FAR2: variants seen among roughly 807,000 people sequenced by gnomAD.
FAR2 encodes epididymis secretory protein Li 81.
A neutral mutation model predicts 56.0 loss-of-function variants in FAR2; 19 were observed. The ratio of observed to expected loss-of-function variants is 0.34; its 90% CI spans 0.24 to 0.50. The LOEUF (loss-of-function observed/expected upper bound fraction) is 0.50. Ranked by LOEUF, FAR2 falls within the 20% of genes least tolerant of loss-of-function variation. The pLI, the probability that FAR2 is intolerant of heterozygous loss-of-function variation, is 0.98. For missense variants in FAR2, 508 were observed against 642.2 expected, an observed-to-expected ratio of 0.79 and a Z score of 2.26; for synonymous variants, 219 against 218.8, an observed-to-expected ratio of 1.00 and a Z score of -0.01.
intron 10 of FAR2, chr12:29,331,968 C>G (rs1565529292): frequency 6.6e-6 from 1 of 152,072 alleles, no homozygotes; most frequent in East Asian, 1.9e-4. Flanking sequence ...CTCTCTGTAT[C>G]TGTCTTCTAT....
chr12:29,164,910 G>A (rs1949812253), intron 1 of FAR2, among the ~76,000 whole-genome samples: 1 of 152,202 alleles, frequency 6.6e-6, no homozygotes. Flanking sequence ...AAAGCAGTAT[G>A]AGTGGAGTTC....
intron 1 of FAR2, among the ~76,000 whole-genome samples, chr12:29,242,408 G>A (rs1380181655): frequency 1.3e-5 from 2 of 152,096 alleles, no homozygotes; most frequent in East Asian, 1.9e-4. Context: ...TTACATAAAC[G>A]CCCACACTTA....
chr12:29,250,017 A>G (rs1052692662), intron 1 of FAR2, among the ~76,000 whole-genome samples: 4 of 152,208 alleles, frequency 2.6e-5, no homozygotes, highest in African/African-American at 9.7e-5. Context: ...AGTGACTCGA[A>G]TGCTCACTAG....
intron 2 of FAR2, among the ~76,000 whole-genome samples, chr12:29,275,741 A>G (rs968265534): frequency 2.6e-5 from 4 of 152,164 alleles, no homozygotes; most frequent in Admixed American, 6.5e-5. Flanking sequence ...CTAGATAAAT[A>G]TTGTGGCAGA....
chr12:29,328,383 G>A (rs1323819663), intron 10 of FAR2, among the ~76,000 whole-genome samples: 2 of 152,164 alleles, frequency 1.3e-5, no homozygotes, highest in African/African-American at 4.8e-5. Flanking sequence ...AATACCATTT[G>A]ACCCAGCCAT....
At chr12:29,239,060 C>G (rs1353566319) in intron 1 of FAR2, among the ~76,000 whole-genome samples, 1 of 152,132 alleles carries the variant, frequency 6.6e-6, no homozygotes, top group Non-Finnish European at 1.5e-5. Flanking sequence ...TACTTAAAGG[C>G]AGTTAAGGAG....
chr12:29,268,163 C>A (rs1297792241), intron 1 of FAR2, among the ~76,000 whole-genome samples: 1 of 152,178 alleles, frequency 6.6e-6, no homozygotes, highest in Non-Finnish European at 1.5e-5. Context: ...AGTTGGAGAG[C>A]AGGGTGTTGA....
At chr12:29,179,941 C>T (rs1949976974) in intron 1 of FAR2, among the ~76,000 whole-genome samples, 1 of 152,176 alleles carries the variant, frequency 6.6e-6, no homozygotes, top group African/African-American at 2.4e-5. Context: ...ACAAAAAAAC[C>T]TTGCCTTTCA....
chr12:29,278,636 C>T (rs531922720), intron 2 of FAR2, among the ~76,000 whole-genome samples: 3 of 152,214 alleles, frequency 2.0e-5, no homozygotes, highest in Non-Finnish European at 2.9e-5. Flanking sequence ...GCATGAGCCA[C>T]CACACCTGGC....
At chr12:29,182,345 G>T (rs1399724209) in intron 1 of FAR2, among the ~76,000 whole-genome samples, 1 of 152,194 alleles carries the variant, frequency 6.6e-6, no homozygotes, top group African/African-American at 2.4e-5. Context: ...CTGCTGATTG[G>T]TCCATTTTAT....
chr12:29,224,459 T>C (rs1211212026), intron 1 of FAR2, among the ~76,000 whole-genome samples: 4 of 152,358 alleles, frequency 2.6e-5, no homozygotes, highest in South Asian at 4.1e-4. Flanking sequence ...TAATTGCATT[T>C]GATCATTTTA....
chr12:29,256,763 G>T (rs1714350633), intron 1 of FAR2, among the ~76,000 whole-genome samples: 1 of 152,224 alleles, frequency 6.6e-6, no homozygotes. Flanking sequence ...GCCAGCCCCG[G>T]CAATGAAGGG....
At chr12:29,228,813 C>G (rs1200995877) in intron 1 of FAR2, among the ~76,000 whole-genome samples, 1 of 152,190 alleles carries the variant, frequency 6.6e-6, no homozygotes, top group Non-Finnish European at 1.5e-5. Flanking sequence ...GTCTCAAACT[C>G]CTGACCTCAA....
chr12:29,274,865 C>T lies in FAR2; in HGVS notation c.189+4227C>T, dbSNP rs181695621. ...TATCTCCCTTCGCTGACTCTCTTTT[C>T]GGACTCAGCCCGCCTGCACCCAGGT... On this transcript the variant is annotated intron_variant, in intron 2 of 11. Coordinates refer to ENST00000536681, the MANE Select transcript of FAR2 (RefSeq NM_001271783.2). Among the ~76,000 whole-genome samples the T allele has an allele frequency of 4.6e-5, 7 of 151,176 alleles. No individual in the cohort carries two copies. In the East Asian group the frequency reaches 1.4e-3, roughly 31 times the overall value.
intron 1 of FAR2, among the ~76,000 whole-genome samples, chr12:29,199,625 G>C (rs1322246702): frequency 7.6e-6 from 1 of 132,274 alleles, no homozygotes; most frequent in Admixed American, 7.9e-5. Flanking sequence ...AGAAAGAAAA[G>C]AAACAAACAA....
chr12:29,208,100 A>T (rs970263232), intron 1 of FAR2, among the ~76,000 whole-genome samples: 5 of 152,258 alleles, frequency 3.3e-5, no homozygotes, highest in African/African-American at 9.6e-5. Flanking sequence ...TATTAGTATT[A>T]AAAGAAGTGT....
At chr12:29,314,378 A>G (rs1565520285) in intron 8 of FAR2, among the ~76,000 whole-genome samples, 1 of 151,502 alleles carries the variant, frequency 6.6e-6, no homozygotes, top group Non-Finnish European at 1.5e-5. Context: ...AGTAGACTCC[A>G]CTACTTACTA....
At chr12:29,317,038 A>T in intron 9 of FAR2, 26 bp downstream of exon 9, 1 of 1,602,558 alleles carries the variant, frequency 6.2e-7, no homozygotes. Flanking sequence ...AATGGCTTTG[A>T]GAGTGTCACT....
chr12:29,168,884 T>C (rs1038158598), intron 1 of FAR2, among the ~76,000 whole-genome samples: 1 of 152,170 alleles, frequency 6.6e-6, no homozygotes, highest in East Asian at 1.9e-4. Flanking sequence ...ATTTGTCCCC[T>C]CCCATGTCCT....
Sources: allele counts gnomAD v4.1 joint callset (sites outside exome capture counted in the v4.1 genomes callset), GRCh38; gene constraint gnomAD v4.1.1; transcripts MANE v1.5; gene names NCBI Gene and HGNC (gene_info 2026-07-23, HGNC 2026-07-21).